UBE4B: variants seen among roughly 807,000 people sequenced by gnomAD.
UBE4B encodes the protein ubiquitin conjugation factor E4 B.
UBE4B carries 27 observed loss-of-function variants against 148.1 expected under a neutral mutation model. The observed-to-expected ratio is 0.18, with a 90% confidence interval of 0.13 to 0.25. The LOEUF is 0.25. UBE4B is among the 10% of genes least tolerant of loss of function. UBE4B has a pLI of 1.00. For missense variants in UBE4B, 1,170 were observed against 1,662.4 expected (o/e 0.70, Z 5.15); for synonymous variants, 596 against 619.3 (o/e 0.96, Z 0.56).
At chr1:10,115,258 AT>A (rs1645289448) in intron 7 of UBE4B, among the ~76,000 whole-genome samples, 1 of 145,324 alleles carries the variant, frequency 6.9e-6, no homozygotes, top group Admixed American at 7.1e-5. Context: ...AAGTGCTGGG[AT>A]TACAGGCATG....
chr1:10,103,247 C>T, intron 5 of UBE4B, 155 bp downstream of exon 5: 1 of 632,038 alleles, frequency 1.6e-6, no homozygotes, highest in Non-Finnish European at 2.6e-6. Context: ...AATTGTTTAG[C>T]CACTTTCTTC....
intron 20 of UBE4B, among the ~76,000 whole-genome samples, chr1:10,150,286 G>A (rs1024995091): frequency 2.0e-5 from 3 of 152,032 alleles, no homozygotes; most frequent in African/African-American, 7.2e-5. Flanking sequence ...ACTCAAAAAC[G>A]TGGTTTATTT....
intron 22 of UBE4B, among the ~76,000 whole-genome samples, chr1:10,160,676 G>A (rs76381708): frequency 0.022 from 3,387 of 152,292 alleles, 77 homozygotes; most frequent in South Asian, 0.075. Flanking sequence ...GCCAGGTGTG[G>A]TGGCTCATCT....
At chr1:10,134,049 CAA>C (rs367557718) in intron 15 of UBE4B, among the ~76,000 whole-genome samples, 4 of 135,920 alleles carry the variant, frequency 2.9e-5, no homozygotes, top group Non-Finnish European at 3.2e-5. Flanking sequence ...AACCCTGTCT[CAA>C]AAAAAAAAAA....
At chr1:10,098,410 G>A (rs373471735) in intron 3 of UBE4B, among the ~76,000 whole-genome samples, 43 of 152,248 alleles carry the variant, frequency 2.8e-4, no homozygotes, top group African/African-American at 9.9e-4. Flanking sequence ...TCACAGTGTG[G>A]CACAGACAAA....
At chr1:10,144,821 A>T in intron 17 of UBE4B, 119 bp from the exon 18 acceptor site, 1 of 624,686 alleles carries the variant, frequency 1.6e-6, no homozygotes, top group Non-Finnish European at 2.8e-6. Context: ...CTCTGATTTT[A>T]AAGATGTTAC....
At chr1:10,041,215 A>G (rs74875629) in intron 1 of UBE4B, among the ~76,000 whole-genome samples, 2,620 of 152,176 alleles carry the variant, frequency 0.017, 35 homozygotes, top group Non-Finnish European at 0.027. Context: ...ATTGAAAGGC[A>G]CACAACTAGT....
intron 7 of UBE4B, among the ~76,000 whole-genome samples, chr1:10,108,633 T>A (rs1645162688): frequency 6.6e-6 from 1 of 152,206 alleles, no homozygotes; most frequent in Admixed American, 6.5e-5. Context: ...AGGAGTTAGG[T>A]ACACTTCATT....
chr1:10,141,178 C>T (rs1330342380), intron 17 of UBE4B, among the ~76,000 whole-genome samples: 2 of 152,072 alleles, frequency 1.3e-5, no homozygotes, highest in African/African-American at 4.8e-5. Context: ...CAAAGGTGCC[C>T]ACATCCTGGT....
At chr1:10,112,399 G>A (rs1403471593) in intron 7 of UBE4B, among the ~76,000 whole-genome samples, 1 of 151,934 alleles carries the variant, frequency 6.6e-6, no homozygotes, top group Admixed American at 6.6e-5. Context: ...TTTCTTTTTT[G>A]TTTTGTTTTG....
At chr1:10,091,005 T>G (rs1644839382) in intron 2 of UBE4B, among the ~76,000 whole-genome samples, 1 of 152,206 alleles carries the variant, frequency 6.6e-6, no homozygotes, top group Admixed American at 6.5e-5. Flanking sequence ...ATAATTTCCT[T>G]TAGCAAACTC....
chr1:10,127,203 A>T (rs778154798), intron 11 of UBE4B, among the ~76,000 whole-genome samples: 21 of 138,014 alleles, frequency 1.5e-4, no homozygotes, highest in Non-Finnish European at 3.1e-4. Flanking sequence ...TTTGTTACTT[A>T]AAAAAAAAAA....
intron 2 of UBE4B, among the ~76,000 whole-genome samples, chr1:10,073,920 A>ATTTTTT (rs947131085): frequency 1.6e-4 from 12 of 74,842 alleles, no homozygotes; most frequent in African/African-American, 2.2e-4. Context: ...CTTTCTTTCT[A>ATTTTTT]TTTTTTTTTT....
At chr1:10,065,460 A>G (rs1470262289) in intron 1 of UBE4B, among the ~76,000 whole-genome samples, 2 of 151,992 alleles carry the variant, frequency 1.3e-5, no homozygotes, top group African/African-American at 4.8e-5. Flanking sequence ...CATATTCACC[A>G]CCCCTGTCTG....
chr1:10,144,893 T>A, intron 17 of UBE4B, 47 bp from the exon 18 acceptor site: 1 of 1,436,864 alleles, frequency 7.0e-7, no homozygotes, highest in Non-Finnish European at 9.7e-7. Context: ...ATGGGTAAGA[T>A]GGATCCGGCT....
Position 10,149,165 on chromosome 1 carries a change from C to T in UBE4B, c.2592-19C>T. ...CCATAATTTCATTTAATAAATTGTC[C>T]TTTTTTTCTCTTTGACAGTATAACA... is the stretch of plus-strand genomic sequence containing the variant. On this transcript the variant is annotated intron_variant, in intron 19 of 27. Coordinates refer to ENST00000343090, the MANE Select transcript of UBE4B (RefSeq NM_001105562.3). The T allele has an allele frequency of 6.5e-7, 1 of 1,538,198 alleles. No homozygotes were observed. Among genetic ancestry groups the T allele is most frequent in the Admixed American group, 2.2e-5 (1 of 46,030 alleles).
rs561113118 is a variant in UBE4B, at chr1:10,175,527, C to T, written c.3526-3117C>T. ...TTAGCCAGGCGTGGTGGCGGGCGCC[C>T]GTAGACCCAGCTACTCGGGAGGCTG... On this transcript the variant is annotated intron_variant, in intron 25 of 27. Transcript: ENST00000343090. Among the ~76,000 whole-genome samples the T allele has an allele frequency of 2.2e-3, 330 of 151,452 alleles. 1 individual carries two copies. The highest frequency in any genetic ancestry group is 3.4e-3 in the Middle Eastern group (1 of 294).
intron 6 of UBE4B, 92 bp downstream of exon 6, chr1:10,105,836 T>C: frequency 1.6e-6 from 2 of 1,285,110 alleles, no homozygotes; most frequent in Non-Finnish European, 2.2e-6. Context: ...TGTTAATCAG[T>C]GTCATACAGG....
intron 1 of UBE4B, among the ~76,000 whole-genome samples, chr1:10,045,364 C>G (rs915415322): frequency 3.3e-5 from 5 of 152,162 alleles, no homozygotes; most frequent in African/African-American, 9.7e-5. Flanking sequence ...CACACTCAGG[C>G]AATGCAACCT....
Sources: gnomAD v4.1 joint callset for allele counts (sites outside exome capture counted in the v4.1 genomes callset) on GRCh38, gnomAD v4.1.1 for gene constraint, MANE v1.5 for transcripts, NCBI Gene and HGNC (gene_info 2026-07-23, HGNC 2026-07-21) for gene names.